Variants in ITIH5 observed in about 807,000 individuals in gnomAD.
ITIH5 encodes inter-alpha-trypsin inhibitor heavy chain 5, also known as inter-alpha-trypsin inhibitor heavy chain H5.
A neutral mutation model predicts 77.5 loss-of-function variants in ITIH5; 65 were observed. The observed-to-expected ratio is 0.84, with a 90% CI of 0.69 to 1.03. ITIH5 has a LOEUF of 1.03. ITIH5 is among the 50% of genes least tolerant of loss of function. ITIH5 has a pLI of 0.00. For missense variants in ITIH5, 1,208 were observed against 1,213.1 expected, an observed-to-expected ratio of 1.00 and a Z score of 0.06; for synonymous variants, 525 against 494.3, an observed-to-expected ratio of 1.06 and a Z score of -0.82.
intron 7 of ITIH5, among the ~76,000 whole-genome samples, chr10:7,597,063 A>AAT (rs1832917415): frequency 2.1e-5 from 3 of 142,756 alleles, no homozygotes; most frequent in Middle Eastern, 4.5e-3. Flanking sequence ...AAAAAAAAAA[A>AAT]ATTCCACCAA....
At chr10:7,574,888 G>C (rs1246510811) in intron 10 of ITIH5, among the ~76,000 whole-genome samples, 1 of 151,720 alleles carries the variant, frequency 6.6e-6, no homozygotes, top group Non-Finnish European at 1.5e-5. Flanking sequence ...GTCTTGTATG[G>C]TCCAGATCCG....
chr10:7,661,107 C>T (rs912165321), intron 1 of ITIH5, among the ~76,000 whole-genome samples: 5 of 152,192 alleles, frequency 3.3e-5, no homozygotes, highest in East Asian at 1.9e-4. Flanking sequence ...GTTCTCCTTA[C>T]GAGATTCTTA....
chr10:7,605,536 C>CA (rs1833106268), intron 7 of ITIH5, among the ~76,000 whole-genome samples: 1 of 71,836 alleles, frequency 1.4e-5, no homozygotes, highest in African/African-American at 3.8e-5. Context: ...ACCTAGCACC[C>CA]CACCCCCAAC....
intron 7 of ITIH5, among the ~76,000 whole-genome samples, chr10:7,589,819 A>C (rs1276669996): frequency 6.6e-6 from 1 of 151,858 alleles, no homozygotes; most frequent in Non-Finnish European, 1.5e-5. Context: ...TGCAGAAGAC[A>C]TTGTCAAGTC....
chr10:7,639,497 G>A (rs140800238), intron 4 of ITIH5, among the ~76,000 whole-genome samples: 13 of 152,310 alleles, frequency 8.5e-5, no homozygotes, highest in African/African-American at 2.4e-4. Context: ...GCATTCCCTT[G>A]TCACTAATAA....
intron 5 of ITIH5, among the ~76,000 whole-genome samples, chr10:7,628,577 TG>T (rs1407006417): frequency 1.9e-5 from 2 of 104,572 alleles, no homozygotes; most frequent in African/African-American, 5.4e-5. Flanking sequence ...CATGTGTCCA[TG>T]CTGTAGCATG....
rs1481237948 is a variant in ITIH5, at chr10:7,560,330, G to A, written c.*2753C>T. On this transcript the variant is annotated 3_prime_UTR_variant, in exon 14 of 14. Coordinates refer to ENST00000397146, the MANE Select transcript of ITIH5 (RefSeq NM_030569.7). ...GCATGTCGTTTAGCCAAAAGTTAAA[G>A]TTAAAGGAATGAATCCTGTTCCTAA... 1 of 152,996 alleles carries A rather than the reference G, an allele frequency of 6.5e-6. No individual in the cohort carries two copies. Among genetic ancestry groups the A allele is most frequent in the African/African-American group, 2.4e-5 (1 of 41,452 alleles). The allele number at this position is 152,996 out of a possible 1,614,324, so 9.5% of individuals were successfully genotyped here. A position where few individuals can be genotyped will look rare whatever the true frequency, so the allele number is the denominator to read the frequency against.
intron 4 of ITIH5, among the ~76,000 whole-genome samples, chr10:7,638,704 G>C (rs1833838333): frequency 6.6e-6 from 1 of 152,162 alleles, no homozygotes; most frequent in African/African-American, 2.4e-5. Flanking sequence ...AAATAAAAAA[G>C]CCAACCCAGA....
intron 5 of ITIH5, among the ~76,000 whole-genome samples, chr10:7,628,421 G>C (rs983688135): frequency 6.6e-6 from 1 of 152,170 alleles, no homozygotes. Flanking sequence ...TAATGTTTTC[G>C]AGACTCCGTC....
At chr10:7,576,354 A>G (rs1832413509) in intron 10 of ITIH5, 99 bp downstream of exon 10, 1 of 1,059,902 alleles carries the variant, frequency 9.4e-7, no homozygotes, top group South Asian at 1.7e-5. Flanking sequence ...TTATAGCAAG[A>G]TGGAATAACA....
At chr10:7,573,279 G>A in intron 10 of ITIH5, 84 bp from the exon 11 acceptor site, 2 of 1,086,180 alleles carry the variant, frequency 1.8e-6, no homozygotes, top group Non-Finnish European at 2.8e-6. Flanking sequence ...GGAGACATGA[G>A]CAAAACACAG....
At chr10:7,624,080 TC>T (rs2131047800) in intron 5 of ITIH5, among the ~76,000 whole-genome samples, 1 of 152,332 alleles carries the variant, frequency 6.6e-6, no homozygotes, top group Non-Finnish European at 1.5e-5. Context: ...TCAATGCTCT[TC>T]CTTCCTAAAA....
intron 7 of ITIH5, among the ~76,000 whole-genome samples, chr10:7,615,076 G>A (rs1191122912): frequency 1.3e-5 from 2 of 152,028 alleles, no homozygotes; most frequent in Non-Finnish European, 2.9e-5. Flanking sequence ...ATGAAACCCT[G>A]TCTCTACTAA....
At chr10:7,662,560 C>T (rs760252957) in intron 1 of ITIH5, among the ~76,000 whole-genome samples, 18 of 152,220 alleles carry the variant, frequency 1.2e-4, no homozygotes, top group South Asian at 2.1e-4. Context: ...CCAGCAGCTA[C>T]GCTGATGACA....
chr10:7,592,514 G>C (rs1181746599), intron 7 of ITIH5, among the ~76,000 whole-genome samples: 1 of 152,298 alleles, frequency 6.6e-6, no homozygotes, highest in South Asian at 2.1e-4. Flanking sequence ...AAGAGTAGGG[G>C]AAAGAGGAAA....
At chr10:7,634,018 G>A (rs554959319) in intron 5 of ITIH5, among the ~76,000 whole-genome samples, 52 of 150,476 alleles carry the variant, frequency 3.5e-4, no homozygotes, top group African/African-American at 1.1e-3. Flanking sequence ...GAATCCGGAA[G>A]GCGGAGCTTG....
At position 7,588,151 on chromosome 10, in the gene ITIH5, A is replaced by G. The variant is rs560023985; in HGVS notation, c.940-2082T>C. ...CTAATCCCAACACTTTGGGAGGCTG[A>G]GGCAGGCGGATCACTTAAGGTCAGA... On this transcript the variant is annotated intron_variant, in intron 7 of 13. Coordinates refer to ENST00000397146, the MANE Select transcript of ITIH5 (RefSeq NM_030569.7). Among the ~76,000 whole-genome samples, 182 of 152,362 alleles carry G rather than the reference A, an allele frequency of 1.2e-3. 1 individual carries two copies. The highest frequency in any genetic ancestry group is 4.0e-3 in the African/African-American group (167 of 41,580).
Position 7,640,766 on chromosome 10 carries a change from G to A in ITIH5, c.389C>T (p.Thr130Ile). The change falls in exon 4 of 14, where the codon ACA becomes ATA. Residue 130 changes from threonine to isoleucine, a missense_variant. Physicochemically the swap from Thr to Ile is moderately conservative, Grantham distance 89. Coordinates refer to ENST00000397146, the MANE Select transcript of ITIH5 (RefSeq NM_030569.7). ...DRVKEKRNKT[T>I]EENGEKGTEI... is the part of the protein sequence containing the mutation. Reference sequence around the variant, plus strand: ...AACCAATACTTACCCATTTTCTTCTGTGGTTTTATTCCTTTTCTCTTTTAC... The same window carrying A: ...AACCAATACTTACCCATTTTCTTCTATGGTTTTATTCCTTTTCTCTTTTAC... 4.3e-6 allele frequency: 7 copies of A among 1,609,890 alleles called. No homozygotes were observed. The highest frequency in any genetic ancestry group is 6.0e-6 in the Non-Finnish European group (7 of 1,176,400).
At position 7,580,784 on chromosome 10, in the gene ITIH5, G is replaced by A. The variant is rs71481733; in HGVS notation, c.1109-720C>T. ...CTCAGATGCCTTCCAGTGTTGTCTAGGGCTAGGTGGAGCTGATGAAAGAAT... is the reference window on the plus strand; with the variant it reads ...CTCAGATGCCTTCCAGTGTTGTCTAAGGCTAGGTGGAGCTGATGAAAGAAT... On this transcript the variant is annotated intron_variant, in intron 8 of 13. Coordinates refer to ENST00000397146, the MANE Select transcript of ITIH5 (RefSeq NM_030569.7). Among the ~76,000 whole-genome samples, 2 of 152,170 alleles carry A rather than the reference G, an allele frequency of 1.3e-5. 1 individual carries two copies. The highest frequency in any genetic ancestry group is 4.1e-4 in the South Asian group (2 of 4,826).
Sources: gnomAD v4.1 joint callset for allele counts (sites outside exome capture counted in the v4.1 genomes callset) on GRCh38, gnomAD v4.1.1 for gene constraint, MANE v1.5 for transcripts, NCBI Gene and HGNC (gene_info 2026-07-23, HGNC 2026-07-21) for gene names.